NT5DC4: variants seen among roughly 807,000 people sequenced by gnomAD.
NT5DC4 encodes the protein 5'-nucleotidase domain-containing protein 4.
A neutral mutation model predicts 26.6 loss-of-function variants in NT5DC4; 44 were observed. The observed-to-expected ratio is 1.65, with a 90% CI of 1.30 to 2.13. The LOEUF (loss-of-function observed/expected upper bound fraction) is 2.13. Among genes scored for constraint, NT5DC4 ranks in the 30% most tolerant of loss-of-function variants. The pLI, the probability that NT5DC4 is intolerant of heterozygous loss-of-function variation, is 0.00. For synonymous variants in NT5DC4, 157 were observed against 86.7 expected (o/e 1.81, Z -4.51); for missense variants, 399 against 228.1 (o/e 1.75, Z -4.83).
chr2:112,720,414 A>G (rs765357988), upstream of NT5DC4, among the ~76,000 whole-genome samples: 2 of 152,070 alleles, frequency 1.3e-5, no homozygotes, highest in Non-Finnish European at 2.9e-5. Flanking sequence ...GTCTTTCTGG[A>G]TGATCCAGGT....
intron 11 of NT5DC4, 126 bp downstream of exon 11, chr2:112,725,032 C>G (rs1677510034): frequency 1.5e-6 from 1 of 651,216 alleles, no homozygotes; most frequent in African/African-American, 1.8e-5. Flanking sequence ...GAACCCGAGG[C>G]CGCCTTCAGC....
At chr2:112,724,385 G>T in intron 10 of NT5DC4, 1 of 592,830 alleles carries the variant, frequency 1.7e-6, no homozygotes, top group Non-Finnish European at 3.0e-6. Context: ...GAAAGTGGGT[G>T]AGACGAGGGC....
In NT5DC4 at chr2:112,722,724, C is replaced by G. The variant is rs1173468459; in HGVS notation, c.480C>G (p.Leu160=). 3 of 717,574 alleles carry G rather than the reference C, an allele frequency of 4.2e-6. No homozygotes were observed. The highest frequency in any genetic ancestry group is 5.4e-5 in the East Asian group (2 of 37,278). 44.5% of individuals were successfully genotyped at this position (717,574 alleles called of 1,614,324 possible). A position where few individuals can be genotyped will look rare whatever the true frequency, so the allele number is the denominator to read the frequency against. The change falls in exon 6 of 17, where the codon CTC becomes CTG. Residue 160 remains leucine, a synonymous_variant. Transcript: ENST00000688554. ...CCTGTCTGCCCCCAGAAACCTACCT[C>G]TATGCCTGCTTGGTGGACTTCTTCT... is the stretch of plus-strand genomic sequence containing the variant. The part of the protein sequence containing the change: ...NMLFNLPETY[L]YACLVDFFSG...
chr2:112,722,949 C>G (rs189693060), intron 6 of NT5DC4, 132 bp from the exon 7 acceptor site: 4 of 353,560 alleles, frequency 1.1e-5, no homozygotes, highest in East Asian at 1.0e-4. Flanking sequence ...ATGCCCCTCC[C>G]AGGATGTCTG....
chr2:112,725,071 C>T (rs1404168842), intron 11 of NT5DC4, 103 bp from the exon 12 acceptor site: 4 of 654,342 alleles, frequency 6.1e-6, no homozygotes, highest in East Asian at 2.7e-5. Flanking sequence ...CCTCCCACAC[C>T]CCCCATGGTT....
intron 14 of NT5DC4, 131 bp downstream of exon 14, chr2:112,726,420 C>T (rs1677724583): frequency 3.4e-5 from 23 of 676,806 alleles, no homozygotes; most frequent in South Asian, 3.3e-4. Flanking sequence ...TCAGGCTGGG[C>T]TTCCCTAGCA....
At chr2:112,724,695 G>A (rs1166815512) in intron 10 of NT5DC4, 86 bp from the exon 11 acceptor site, 4 of 685,726 alleles carry the variant, frequency 5.8e-6, no homozygotes, top group Non-Finnish European at 8.1e-6. Context: ...GGTTGGTGGG[G>A]AGAGGCAGGC....
chr2:112,726,723 CAA>C lies in NT5DC4; in HGVS notation c.1252_1253del (p.Lys418GlufsTer8), dbSNP rs759442230. ...SCELQVINFT[K>X]REIQMPHESV... is the part of the protein sequence containing the mutation. ...GTGAGCTGCAAGTCATCAACTTCAC[CAA>C]GAGAGAGATCCAGGTGGGAGCTGGG... is the stretch of plus-strand genomic sequence containing the variant. On this transcript the variant is annotated frameshift_variant, in exon 15 of 17. Transcript: ENST00000688554. LOFTEE classifies it high-confidence loss of function. The C allele has an allele frequency of 9.8e-6, 7 of 717,416 alleles. No homozygotes were observed. Among genetic ancestry groups the C allele is most frequent in the Middle Eastern group, 2.3e-4 (1 of 4,394 alleles). The allele number at this position is 717,416 out of a possible 1,614,324, so 44.4% of individuals were successfully genotyped here. A position where few individuals can be genotyped will look rare whatever the true frequency, so the allele number is the denominator to read the frequency against.
downstream of NT5DC4, chr2:112,740,790 C>T (rs1334267939): frequency 1.9e-6 from 3 of 1,565,680 alleles, no homozygotes; most frequent in Non-Finnish European, 2.6e-6. Context: ...AGTCTGTGAA[C>T]ACAAAGTCTG....
upstream of NT5DC4, among the ~76,000 whole-genome samples, chr2:112,719,934 CTTTCTTTCTTTCTT>C (rs1676702800): frequency 1.1e-4 from 7 of 66,024 alleles, no homozygotes; most frequent in African/African-American, 4.7e-4. Context: ...CTCTTTCTTT[CTTTCTTTCTTTCTT>C]TCTTTCTTTC....
At chr2:112,739,977 G>A (rs1679778050), downstream of NT5DC4, among the ~76,000 whole-genome samples, 1 of 151,438 alleles carries the variant, frequency 6.6e-6, no homozygotes, top group African/African-American at 2.4e-5. Context: ...TTTTTGAGAT[G>A]GAGTTTCACT....
chr2:112,729,590 C>A (rs752923786), intron 15 of NT5DC4, 37 bp from the exon 16 acceptor site: 1 of 717,248 alleles, frequency 1.4e-6, no homozygotes, highest in African/African-American at 1.7e-5. Flanking sequence ...GTACCCGGGA[C>A]GGAGTGCTTC....
At position 112,723,394 on chromosome 2, in the gene NT5DC4, C is replaced by CACACACAG. The variant is rs752115339; in HGVS notation, c.622-23_622-22insCACACAGA. On this transcript the variant is annotated intron_variant, in intron 7 of 16. Transcript: ENST00000688554. ...ACACACACACACACACACACACACA[C>CACACACAG]AGGCACTTTGCTCCCTCCTGCAGGG... 1.1e-3 allele frequency: 799 copies of CACACACAG among 715,886 alleles called. 7 individuals carry two copies. The African/African-American group carries it at 0.012, about 11-fold the overall frequency. The allele number at this position is 715,886 out of a possible 1,614,324, so 44.3% of individuals were successfully genotyped here. A position where few individuals can be genotyped will look rare whatever the true frequency, so the allele number is the denominator to read the frequency against.
At chr2:112,723,223 G>T in intron 7 of NT5DC4, 49 bp downstream of exon 7, 1 of 717,112 alleles carries the variant, frequency 1.4e-6, no homozygotes, top group South Asian at 1.5e-5. Flanking sequence ...TCTGCTCTTG[G>T]TTCCCCGGGC....
Position 112,725,236 on chromosome 2 carries a change from T to A in NT5DC4, c.978T>A (p.Ser326=). The change falls in exon 12 of 17, where the codon TCT becomes TCA. Residue 326 remains serine, a synonymous_variant. Coordinates refer to ENST00000688554, the MANE Select transcript of NT5DC4 (RefSeq NM_001393655.1). ...CCCACCAGCACTGTGCTGTCTACTCTGGAGGTACCAGCTCCCACCATGCCC... is the reference window on the plus strand; with the variant it reads ...CCCACCAGCACTGTGCTGTCTACTCAGGAGGTACCAGCTCCCACCATGCCC... ...TGPHQHCAVY[S]GGSSDMVCEL... The A allele has an allele frequency of 1.4e-6, 1 of 711,212 alleles. No homozygotes were observed. The highest frequency in any genetic ancestry group is 2.6e-6 in the Non-Finnish European group (1 of 380,082). 44.1% of individuals were successfully genotyped at this position (711,212 alleles called of 1,614,324 possible). A position where few individuals can be genotyped will look rare whatever the true frequency, so the allele number is the denominator to read the frequency against.
At chr2:112,739,954 C>T (rs1038040750), downstream of NT5DC4, among the ~76,000 whole-genome samples, 1 of 151,952 alleles carries the variant, frequency 6.6e-6, no homozygotes, top group Non-Finnish European at 1.5e-5. Context: ...ATGTGCCCAG[C>T]CTTTTCATTT....
intron 4 of NT5DC4, 25 bp downstream of exon 4, chr2:112,722,303 G>C (rs1302680932): frequency 1.4e-5 from 10 of 716,968 alleles, no homozygotes; most frequent in Non-Finnish European, 2.6e-5. Flanking sequence ...TGCCGGGAGA[G>C]TGGCAGGCCA....
At position 112,726,674 on chromosome 2, in the gene NT5DC4, C is replaced by A. The variant is rs1320690223; in HGVS notation, c.1206-4C>A. The A allele has an allele frequency of 2.8e-6, 2 of 717,492 alleles. No individual in the cohort carries two copies. The highest frequency in any genetic ancestry group is 5.2e-6 in the Non-Finnish European group (2 of 385,084). The allele number at this position is 717,492 out of a possible 1,614,324, so 44.4% of individuals were successfully genotyped here. A position where few individuals can be genotyped will look rare whatever the true frequency, so the allele number is the denominator to read the frequency against. On this transcript the variant is annotated splice_polypyrimidine_tract_variant and splice_region_variant and intron_variant, in intron 14 of 16. Coordinates refer to ENST00000688554, the MANE Select transcript of NT5DC4 (RefSeq NM_001393655.1). ...CCTGGGTCACCTAGCTATTTTTGTA[C>A]CAGGCACATGGATGGGAGCAGTTGT...
In NT5DC4 at chr2:112,721,968, C is replaced by T. The variant is rs1328420649; in HGVS notation, c.149-18C>T. Reference sequence around the variant, plus strand: ...GCAGCTGGGCACCAAAGCCCTGATTCTGTCCGGGCCTCTGCAGCCTACAAG... The same window carrying T: ...GCAGCTGGGCACCAAAGCCCTGATTTTGTCCGGGCCTCTGCAGCCTACAAG... On this transcript the variant is annotated intron_variant, in intron 2 of 16. Transcript: ENST00000688554. 29 of 717,198 alleles carry T rather than the reference C, an allele frequency of 4.0e-5. No individual in the cohort carries two copies. Among genetic ancestry groups the T allele is most frequent in the Non-Finnish European group, 7.0e-5 (27 of 385,100 alleles). 44.4% of individuals were successfully genotyped at this position (717,198 alleles called of 1,614,324 possible).
Sources: allele counts gnomAD v4.1 joint callset (sites outside exome capture counted in the v4.1 genomes callset), GRCh38; gene constraint gnomAD v4.1.1; transcripts MANE v1.5; gene names NCBI Gene and HGNC (gene_info 2026-07-23, HGNC 2026-07-21).